The following CSMD1 variants were observed in gnomAD, a reference collection of about 807,000 sequenced individuals.
CSMD1 encodes CUB and Sushi multiple domains 1.
A neutral mutation model predicts 417.5 loss-of-function variants in CSMD1; 213 were observed. The observed-to-expected ratio is 0.51, with a 90% CI of 0.46 to 0.57. The LOEUF (loss-of-function observed/expected upper bound fraction) is 0.57. Ranked by LOEUF, CSMD1 falls within the 20% of genes least tolerant of loss-of-function variation. The probability of loss-of-function intolerance (pLI) is 0.00; values close to 1 mark genes in which losing one functional copy is unlikely to be tolerated. For missense variants in CSMD1, 6,923 were observed against 4,529.7 expected (o/e 1.53, Z -15.17); for synonymous variants, 2,862 against 1,736.8 (o/e 1.65, Z -16.11).
At chr8:3,785,673 G>A (rs62479706) in intron 5 of CSMD1, among the ~76,000 whole-genome samples, 2 of 152,330 alleles carry the variant, frequency 1.3e-5, no homozygotes, top group East Asian at 3.9e-4. Context: ...CCCTGAGGGT[G>A]AGTGTGGGCT....
chr8:3,298,270 G>C (rs1804120878), intron 25 of CSMD1, among the ~76,000 whole-genome samples: 2 of 152,092 alleles, frequency 1.3e-5, no homozygotes, highest in Non-Finnish European at 1.5e-5. Context: ...CATTCACCAG[G>C]TAACATGTCA....
intron 3 of CSMD1, among the ~76,000 whole-genome samples, chr8:4,037,301 T>G (rs1223599676): frequency 6.6e-6 from 1 of 152,192 alleles, no homozygotes; most frequent in Non-Finnish European, 1.5e-5. Context: ...TGTCTTACAT[T>G]GTTTTGCTTA....
At chr8:3,175,742 A>G (rs971144599) in intron 37 of CSMD1, among the ~76,000 whole-genome samples, 1 of 152,150 alleles carries the variant, frequency 6.6e-6, no homozygotes, top group African/African-American at 2.4e-5. Context: ...CTGGGCTACT[A>G]TGTAAGAAAG....
chr8:3,462,038 C>T (rs964229577), intron 12 of CSMD1, among the ~76,000 whole-genome samples: 7 of 152,118 alleles, frequency 4.6e-5, no homozygotes, highest in African/African-American at 1.7e-4. Context: ...GAAGCTGTTT[C>T]CAGATGGAGA....
At chr8:4,381,457 C>A (rs1030120287) in intron 3 of CSMD1, among the ~76,000 whole-genome samples, 4 of 152,224 alleles carry the variant, frequency 2.6e-5, no homozygotes, top group African/African-American at 9.6e-5. Flanking sequence ...CTGGTGCCGA[C>A]GTGTGCTAAA....
intron 30 of CSMD1, among the ~76,000 whole-genome samples, chr8:3,208,916 T>C (rs1797448210): frequency 6.6e-6 from 1 of 152,204 alleles, no homozygotes; most frequent in Non-Finnish European, 1.5e-5. Flanking sequence ...CAGCATATTG[T>C]GGGAATTTGT....
At chr8:3,368,056 C>T (rs1809717175) in intron 19 of CSMD1, among the ~76,000 whole-genome samples, 1 of 152,178 alleles carries the variant, frequency 6.6e-6, no homozygotes, top group Non-Finnish European at 1.5e-5. Context: ...AGGCTTATTT[C>T]TGGATTCCTA....
chr8:4,073,261 A>G (rs1452130936), intron 3 of CSMD1, among the ~76,000 whole-genome samples: 1 of 152,200 alleles, frequency 6.6e-6, no homozygotes, highest in Non-Finnish European at 1.5e-5. Context: ...GAAGGTAAAA[A>G]TAGGCCAAAA....
chr8:4,609,619 G>T (rs527467023), intron 2 of CSMD1, among the ~76,000 whole-genome samples: 1 of 152,208 alleles, frequency 6.6e-6, no homozygotes, highest in East Asian at 1.9e-4. Flanking sequence ...TAGCAAAATG[G>T]CATATTTTTG....
At chr8:4,083,536 G>A (rs765514961) in intron 3 of CSMD1, among the ~76,000 whole-genome samples, 17 of 152,242 alleles carry the variant, frequency 1.1e-4, no homozygotes, top group South Asian at 2.1e-4. Flanking sequence ...AAATAATGCC[G>A]CATATTTACA....
intron 5 of CSMD1, among the ~76,000 whole-genome samples, chr8:3,899,492 C>G (rs1807585362): frequency 6.6e-6 from 1 of 152,110 alleles, no homozygotes; most frequent in Admixed American, 6.5e-5. Context: ...GAAACTAGAC[C>G]TGGAAGGACC....
At chr8:4,816,644 G>A (rs1336298570) in intron 1 of CSMD1, among the ~76,000 whole-genome samples, 1 of 152,140 alleles carries the variant, frequency 6.6e-6, no homozygotes, top group Non-Finnish European at 1.5e-5. Context: ...CCGACCGTAT[G>A]GCTCTACAAT....
intron 5 of CSMD1, among the ~76,000 whole-genome samples, chr8:3,945,147 A>C (rs2129807368): frequency 6.7e-6 from 1 of 148,864 alleles, no homozygotes; most frequent in Non-Finnish European, 1.5e-5. Flanking sequence ...AATTTGAACA[A>C]TGATTGCCAA....
At chr8:4,052,894 C>T (rs1798505281) in intron 3 of CSMD1, among the ~76,000 whole-genome samples, 1 of 152,122 alleles carries the variant, frequency 6.6e-6, no homozygotes, top group African/African-American at 2.4e-5. Flanking sequence ...CCATAGACCA[C>T]AATGCCAGAC....
At chr8:4,341,594 C>T (rs998044452) in intron 3 of CSMD1, among the ~76,000 whole-genome samples, 4 of 152,046 alleles carry the variant, frequency 2.6e-5, no homozygotes, top group African/African-American at 7.2e-5. Flanking sequence ...CTGTGGTTCC[C>T]TGTTTGTCCA....
At chr8:4,431,371 G>A (rs376029548) in intron 2 of CSMD1, among the ~76,000 whole-genome samples, 1 of 152,136 alleles carries the variant, frequency 6.6e-6, no homozygotes, top group Non-Finnish European at 1.5e-5. Context: ...TAGTTGGGAG[G>A]AATTCATTGC....
chr8:3,020,429 C>T (rs749016384), intron 51 of CSMD1, among the ~76,000 whole-genome samples: 16 of 152,158 alleles, frequency 1.1e-4, no homozygotes, highest in Admixed American at 7.9e-4. Flanking sequence ...TGCAGTGGTA[C>T]AATTGTAGCT....
rs528770251 is a variant in CSMD1 at position 4,469,465 on chromosome 8, G to A, written c.303-49400C>T. Among the ~76,000 whole-genome samples the A allele has an allele frequency of 5.9e-5, 9 of 152,280 alleles. No homozygotes were observed. The South Asian group carries it at 1.9e-3, about 32-fold the overall frequency. On this transcript the variant is annotated intron_variant, in intron 2 of 69. Transcript: ENST00000635120. ...AATTGTGTTATTGGCTACATTTAGA[G>A]AACCAATTCAGATCAAAACAGGTGA...
At chr8:4,960,885 T>C (rs918660012) in intron 1 of CSMD1, among the ~76,000 whole-genome samples, 3 of 152,170 alleles carry the variant, frequency 2.0e-5, no homozygotes, top group African/African-American at 7.2e-5. Context: ...AAAAGATTCC[T>C]CAACTCCTGA....
Sources: allele counts gnomAD v4.1 joint callset (sites outside exome capture counted in the v4.1 genomes callset), GRCh38; gene constraint gnomAD v4.1.1; transcripts MANE v1.5; gene names NCBI Gene and HGNC (gene_info 2026-07-23, HGNC 2026-07-21).